Variants in C12orf42 observed in about 807,000 individuals in gnomAD.
The protein encoded by C12orf42 is uncharacterized protein C12orf42.
C12orf42 carries 25 observed loss-of-function variants against 21.6 expected under a neutral mutation model. The ratio of observed to expected loss-of-function variants is 1.16; its 90% CI spans 0.84 to 1.62. The LOEUF (loss-of-function observed/expected upper bound fraction) is 1.62, where lower values mean the gene tolerates loss of function less well. C12orf42 is among the 40% of genes most tolerant of loss of function. C12orf42 has a pLI of 0.00. For missense variants in C12orf42, 483 were observed against 459.3 expected (o/e 1.05, Z -0.47); for synonymous variants, 174 against 175.0 (o/e 0.99, Z 0.05).
chr12:103,442,978 G>A (rs10861015), intron 2 of C12orf42, among the ~76,000 whole-genome samples: 94,636 of 151,916 alleles, frequency 0.62, 30,454 homozygotes, highest in Admixed American at 0.72. Flanking sequence ...AACACGGCAG[G>A]TGCTCTAAGC....
At chr12:103,397,654 C>T (rs1026773812) in intron 3 of C12orf42, 1 of 152,140 alleles carries the variant, frequency 6.6e-6, no homozygotes, top group Non-Finnish European at 1.5e-5. Flanking sequence ...GGGACAACTG[C>T]TTTATGTGTC....
the C12orf42 span, among the ~76,000 whole-genome samples, chr12:103,049,759 C>T: frequency 2.0e-5 from 3 of 152,170 alleles, no homozygotes; most frequent in South Asian, 2.1e-4. Flanking sequence ...TGCCTTTGCA[C>T]GTGCTGTTTC....
At chr12:103,176,829 C>A in the C12orf42 span, among the ~76,000 whole-genome samples, 1 of 152,138 alleles carries the variant, frequency 6.6e-6, no homozygotes, top group Non-Finnish European at 1.5e-5. Context: ...CAATAAGACA[C>A]CACGACCATT....
intron 2 of C12orf42, among the ~76,000 whole-genome samples, chr12:103,445,303 T>C (rs1459456471): frequency 6.6e-6 from 1 of 152,100 alleles, no homozygotes; most frequent in Admixed American, 6.6e-5. Context: ...GTGTTGATTG[T>C]TGTGGTGTGA....
At chr12:103,265,884 A>G (rs1723963244), downstream of C12orf42, among the ~76,000 whole-genome samples, 1 of 151,974 alleles carries the variant, frequency 6.6e-6, no homozygotes, top group Non-Finnish European at 1.5e-5. Flanking sequence ...TGCCATCTTG[A>G]ATCTTTTGTC....
At chr12:103,189,583 T>C in the C12orf42 span, among the ~76,000 whole-genome samples, 1 of 152,182 alleles carries the variant, frequency 6.6e-6, no homozygotes, top group South Asian at 2.1e-4. Flanking sequence ...ATCTGCATAG[T>C]GTAGGCCTGG....
intron 2 of C12orf42, among the ~76,000 whole-genome samples, chr12:103,408,801 T>C (rs910296150): frequency 3.3e-5 from 5 of 152,212 alleles, no homozygotes; most frequent in Non-Finnish European, 4.4e-5. Flanking sequence ...CTGTTTTAAC[T>C]GTCTCCTAGG....
At chr12:103,107,812 C>A in the C12orf42 span, among the ~76,000 whole-genome samples, 1 of 150,028 alleles carries the variant, frequency 6.7e-6, no homozygotes. Context: ...ATTGAAAAGA[C>A]TAATAAAATC....
the C12orf42 span, among the ~76,000 whole-genome samples, chr12:103,145,763 C>T: frequency 6.6e-6 from 1 of 151,974 alleles, no homozygotes; most frequent in Non-Finnish European, 1.5e-5. Context: ...AACTATGGTA[C>T]ATCAAAATGA....
At chr12:103,507,543 C>T in the C12orf42 span, among the ~76,000 whole-genome samples, 156 of 149,626 alleles carry the variant, frequency 1.0e-3, 2 homozygotes, top group Admixed American at 1.0e-3. Flanking sequence ...TGGGGTGTGG[C>T]GGCACACACC....
chr12:103,412,599 G>T (rs975145105), intron 2 of C12orf42, among the ~76,000 whole-genome samples: 1 of 152,194 alleles, frequency 6.6e-6, no homozygotes, highest in Non-Finnish European at 1.5e-5. Context: ...AACCTGGGAG[G>T]CAGAGGTTGG....
intron 10 of C12orf42, among the ~76,000 whole-genome samples, chr12:103,255,523 C>T (rs1823674660): frequency 6.6e-6 from 1 of 152,056 alleles, no homozygotes; most frequent in South Asian, 2.1e-4. Flanking sequence ...GAACTATTTT[C>T]CTAGGAGTAT....
At chr12:103,427,404 G>C (rs1949924044) in intron 2 of C12orf42, among the ~76,000 whole-genome samples, 1 of 151,300 alleles carries the variant, frequency 6.6e-6, no homozygotes, top group African/African-American at 2.4e-5. Context: ...CATGGTAACG[G>C]GATCAATGCA....
intron 1 of C12orf42, among the ~76,000 whole-genome samples, chr12:103,495,412 C>T (rs1955460530): frequency 6.6e-6 from 1 of 151,986 alleles, no homozygotes; most frequent in East Asian, 1.9e-4. Context: ...CCGCCCGGCC[C>T]CTCCCCCGCT....
At chr12:103,419,866 A>G (rs1307810047) in intron 2 of C12orf42, among the ~76,000 whole-genome samples, 1 of 152,188 alleles carries the variant, frequency 6.6e-6, no homozygotes, top group Non-Finnish European at 1.5e-5. Context: ...GGCTTTATAC[A>G]GAAGGTTTTC....
chr12:103,302,716 G>A (rs1364561601), intron 5 of C12orf42, among the ~76,000 whole-genome samples, 157 bp from the exon 6 acceptor site: 3 of 148,436 alleles, frequency 2.0e-5, no homozygotes, highest in African/African-American at 7.5e-5. Context: ...ATCCTCACCT[G>A]CCTCCCCATA....
At chr12:103,130,565 T>C in the C12orf42 span, among the ~76,000 whole-genome samples, 1 of 152,076 alleles carries the variant, frequency 6.6e-6, no homozygotes, top group Non-Finnish European at 1.5e-5. Flanking sequence ...AGGGAAAGGT[T>C]AGTGTGCAGG....
intron 3 of C12orf42, among the ~76,000 whole-genome samples, chr12:103,383,344 T>C (rs1593728840): frequency 1.3e-5 from 2 of 152,290 alleles, no homozygotes; most frequent in East Asian, 3.9e-4. Context: ...CCTCAGGTGA[T>C]CCACCTATTT....
At chr12:103,546,114 C>T in the C12orf42 span, among the ~76,000 whole-genome samples, 88 of 152,250 alleles carry the variant, frequency 5.8e-4, 1 homozygote, top group African/African-American at 2.0e-3. Context: ...TGAGGGAAGT[C>T]GCCTTGAGGA....
Sources: gnomAD v4.1 joint callset for allele counts (sites outside exome capture counted in the v4.1 genomes callset) on GRCh38, gnomAD v4.1.1 for gene constraint, MANE v1.5 for transcripts, NCBI Gene and HGNC (gene_info 2026-07-23, HGNC 2026-07-21) for gene names.